Variants in OR2T11 observed in about 807,000 individuals in gnomAD.
The protein encoded by OR2T11 is olfactory receptor 2T11.
In OR2T11, 14 loss-of-function variants were observed where a neutral mutation model predicts 13.5. The ratio of observed to expected loss-of-function variants is 1.04; its 90% confidence interval spans 0.69 to 1.62. The LOEUF is 1.62. Ranked by LOEUF, OR2T11 falls within the 40% of genes most tolerant of loss-of-function variation. The probability of loss-of-function intolerance (pLI) is 0.00; values close to 1 mark genes in which losing one functional copy is unlikely to be tolerated. For missense variants in OR2T11, 410 were observed against 389.7 expected, an observed-to-expected ratio of 1.05 and a Z score of -0.44; for synonymous variants, 163 against 154.6, an observed-to-expected ratio of 1.05 and a Z score of -0.40.
intron 1 of OR2T11, among the ~76,000 whole-genome samples, chr1:248,630,960 G>GA (rs1180945469): frequency 7.0e-6 from 1 of 143,228 alleles, no homozygotes; most frequent in East Asian, 2.0e-4. Context: ...GACGTGATAT[G>GA]AAAACAGGTC....
chr1:248,626,173 ACTCT>A lies in OR2T11; in HGVS notation c.*1_*4del. On this transcript the variant is annotated 3_prime_UTR_variant, in exon 2 of 2. Transcript: ENST00000641193. ...AGGAAGCCTTATCCTCTGGGCAGTG[ACTCT>A]CTAAGCATCACTTGTTGCTACTTTC... 2 of 1,420,584 alleles carry A rather than the reference ACTCT, an allele frequency of 1.4e-6. No homozygotes were observed. The highest frequency in any genetic ancestry group is 1.7e-4 in the Middle Eastern group (1 of 5,750). The allele number at this position is 1,420,584 out of a possible 1,614,324, so 88.0% of individuals were successfully genotyped here.
rs1470692186 is a variant in OR2T11 at position 248,626,196 on chromosome 1, T to TA, written c.932dup (p.Ala312SerfsTer4). The TA allele has an allele frequency of 1.3e-6, 2 of 1,520,908 alleles. No homozygotes were observed. The highest frequency in any genetic ancestry group is 1.7e-5 in the Admixed American group (1 of 58,254). The allele number at this position is 1,520,908 out of a possible 1,614,324, so 94.2% of individuals were successfully genotyped here. A position where few individuals can be genotyped will look rare whatever the true frequency, so the allele number is the denominator to read the frequency against. On this transcript the variant is annotated frameshift_variant, in exon 2 of 2. Transcript: ENST00000641193. LOFTEE classifies it high-confidence loss of function. ...TGACTCTCTAAGCATCACTTGTTGC[T>TA]ACTTTCTGAGCAGATGAGCAACATG...
chr1:248,626,134 T>C lies in OR2T11; in HGVS notation c.*44A>G, dbSNP rs771319683. 2 of 1,092,900 alleles carry C rather than the reference T, an allele frequency of 1.8e-6. No homozygotes were observed. The highest frequency in any genetic ancestry group is 4.9e-5 in the East Asian group (2 of 41,228). The allele number at this position is 1,092,900 out of a possible 1,614,324, so 67.7% of individuals were successfully genotyped here. ...ATCATCTCCAGGGAAACAGGGCAAA[T>C]GGAGGAAGTCCTTAGGAAGCCTTAT... On this transcript the variant is annotated 3_prime_UTR_variant, in exon 2 of 2. Transcript: ENST00000641193.
chr1:248,626,995 A>G lies in OR2T11; in HGVS notation c.134T>C (p.Leu45Ser). The G allele has an allele frequency of 6.4e-7, 1 of 1,571,450 alleles. No individual in the cohort carries two copies. Among genetic ancestry groups the G allele is most frequent in the Non-Finnish European group, 8.7e-7 (1 of 1,155,506 alleles). Reference protein sequence around the residue: ...AVTANLVMIFLIQVDSRLHTP... With the variant: ...AVTANLVMIFSIQVDSRLHTP... ...GTGGAGGCGAGAGTCCACCTGAATC[A>G]AGAATATCATGACCAAATTTGCAGT... The change falls in exon 2 of 2, where the codon TTG becomes TCG. Residue 45 changes from leucine (L) to serine (S), a missense_variant. By Grantham distance (145) the Leu-to-Ser change is moderately radical. Coordinates refer to ENST00000641193, the MANE Select transcript of OR2T11 (RefSeq NM_001001964.2).
Position 248,627,199 on chromosome 1 carries a change from T to G in OR2T11, c.-71A>C. On this transcript the variant is annotated 5_prime_UTR_variant, in exon 2 of 2. Coordinates refer to ENST00000641193, the MANE Select transcript of OR2T11 (RefSeq NM_001001964.2). ...CCAGGAAGGAGGCAAGAGAACACGG[T>G]CAAGATGGGAAAGGTCTGCAGTAGA... is the stretch of plus-strand genomic sequence containing the variant. 3.3e-6 allele frequency: 3 copies of G among 902,440 alleles called. No homozygotes were observed. The highest frequency in any genetic ancestry group is 5.1e-6 in the Non-Finnish European group (3 of 583,292). 55.9% of individuals were successfully genotyped at this position (902,440 alleles called of 1,614,324 possible). A position where few individuals can be genotyped will look rare whatever the true frequency, so the allele number is the denominator to read the frequency against.
chr1:248,628,346 A>G (rs557957258), intron 1 of OR2T11, among the ~76,000 whole-genome samples: 1 of 140,552 alleles, frequency 7.1e-6, no homozygotes, highest in Non-Finnish European at 1.5e-5. Flanking sequence ...CCTCCCCGGC[A>G]TGGTAGGCCT....
rs1475312093 is a variant in OR2T11 at position 248,631,116 on chromosome 1, G to C, written c.-144-3844C>G. ...AAGTAGGTAGCCTTCCCAACATCGT[G>C]ATTTCAGTCCAGTGAGACCGGTTTC... On this transcript the variant is annotated intron_variant, in intron 1 of 1. Transcript: ENST00000641193. 7.0e-5 allele frequency among the ~76,000 whole-genome samples: 10 copies of C among 143,304 alleles called. 1 individual carries two copies. The highest frequency in any genetic ancestry group is 2.7e-5 in the African/African-American group (1 of 36,382). The allele number at this position is 143,304 out of a possible 152,430, so 94.0% of individuals were successfully genotyped here.
Position 248,628,797 on chromosome 1 carries a change from C to T in OR2T11, c.-144-1525G>A, listed in dbSNP as rs1283166993. On this transcript the variant is annotated intron_variant, in intron 1 of 1. Transcript: ENST00000641193. The stretch of plus-strand genomic sequence containing the variant: ...CCCTCTGATTGATATATTCATATTA[C>T]TGTGAAAGGGGCTAAGGACTGTGGC... Among the ~76,000 whole-genome samples, 11 of 142,820 alleles carry T rather than the reference C, an allele frequency of 7.7e-5. 2 individuals are homozygous for T. Among genetic ancestry groups the T allele is most frequent in the Admixed American group, 2.7e-4 (4 of 14,654 alleles). The allele number at this position is 142,820 out of a possible 152,430, so 93.7% of individuals were successfully genotyped here.
intron 1 of OR2T11, among the ~76,000 whole-genome samples, chr1:248,630,833 A>G (rs1660600620): frequency 7.0e-6 from 1 of 143,592 alleles, no homozygotes; most frequent in Non-Finnish European, 1.5e-5. Context: ...GTGGCAAAAA[A>G]GACTTTGTGG....
chr1:248,626,987 C>A lies in OR2T11; in HGVS notation c.142G>T (p.Val48Leu). ...ATGGGGGTGTGGAGGCGAGAGTCCACCTGAATCAAGAATATCATGACCAAA... is the reference window on the plus strand; with the variant it reads ...ATGGGGGTGTGGAGGCGAGAGTCCAACTGAATCAAGAATATCATGACCAAA... ...ANLVMIFLIQ[V>L]DSRLHTPMYF... Residue 48 changes from valine to leucine, a missense_variant, in exon 2 of 2, where the codon GTG (valine) becomes TTG (leucine). Transcript: ENST00000641193. 1 of 1,571,286 alleles carries A rather than the reference C, an allele frequency of 6.4e-7. No homozygotes were observed. The highest frequency in any genetic ancestry group is 8.7e-7 in the Non-Finnish European group (1 of 1,155,670).
Position 248,626,103 on chromosome 1 carries a change from G to A in OR2T11, c.*75C>T, listed in dbSNP as rs180791723. 4,017 of 812,340 alleles carry A rather than the reference G, an allele frequency of 4.9e-3. 368 individuals are homozygous for A. The highest frequency in any genetic ancestry group is 0.013 in the Middle Eastern group (56 of 4,320). The allele number at this position is 812,340 out of a possible 1,614,324, so 50.3% of individuals were successfully genotyped here. A position where few individuals can be genotyped will look rare whatever the true frequency, so the allele number is the denominator to read the frequency against. ...CAGTAGTAAGTGTAGGTTGATAGCTGAGCAGATCATCTCCAGGGAAACAGG... is the reference window on the plus strand; with the variant it reads ...CAGTAGTAAGTGTAGGTTGATAGCTAAGCAGATCATCTCCAGGGAAACAGG... On this transcript the variant is annotated 3_prime_UTR_variant, in exon 2 of 2. Transcript: ENST00000641193.
In OR2T11 at chr1:248,626,035, C is replaced by G; in HGVS notation, c.*143G>C. On this transcript the variant is annotated 3_prime_UTR_variant, in exon 2 of 2. Transcript: ENST00000641193. Reference sequence around the variant, plus strand: ...AACAGTAAAACATCTTTCCCTTGCTCCCGAGGAGCAAGAATCCAGACAGGG... The same window carrying G: ...AACAGTAAAACATCTTTCCCTTGCTGCCGAGGAGCAAGAATCCAGACAGGG... 1.8e-6 allele frequency: 1 copy of G among 557,506 alleles called. No individual in the cohort carries two copies. Among genetic ancestry groups the G allele is most frequent in the South Asian group, 2.4e-5 (1 of 42,026 alleles). The allele number at this position is 557,506 out of a possible 1,614,324, so 34.5% of individuals were successfully genotyped here. A position where few individuals can be genotyped will look rare whatever the true frequency, so the allele number is the denominator to read the frequency against.
rs1256907750 is a variant in OR2T11, at chr1:248,631,802, TCA to T, written c.-145+3234_-145+3235del. On this transcript the variant is annotated intron_variant, in intron 1 of 1. Transcript: ENST00000641193. ...CCAAGAAAGGTCTTACAAATGCCAC[TCA>T]CACACGTCACTGTTGTGCAATTGCA... Among the ~76,000 whole-genome samples the T allele has an allele frequency of 1.3e-4, 19 of 142,828 alleles. 3 individuals are homozygous for T. Among genetic ancestry groups the T allele is most frequent in the Non-Finnish European group, 2.1e-4 (14 of 66,164 alleles). The allele number at this position is 142,828 out of a possible 152,430, so 93.7% of individuals were successfully genotyped here. A position where few individuals can be genotyped will look rare whatever the true frequency, so the allele number is the denominator to read the frequency against.
In OR2T11 at chr1:248,626,054, G is replaced by A; in HGVS notation, c.*124C>T. The A allele has an allele frequency of 1.7e-6, 1 of 599,038 alleles. No individual in the cohort carries two copies. The highest frequency in any genetic ancestry group is 2.8e-5 in the East Asian group (1 of 35,416). The allele number at this position is 599,038 out of a possible 1,614,324, so 37.1% of individuals were successfully genotyped here. A position where few individuals can be genotyped will look rare whatever the true frequency, so the allele number is the denominator to read the frequency against. On this transcript the variant is annotated 3_prime_UTR_variant, in exon 2 of 2. Transcript: ENST00000641193. ...CTTGCTCCCGAGGAGCAAGAATCCA[G>A]ACAGGGTGAATCATCTTAACTGCCA... is the stretch of plus-strand genomic sequence containing the variant.
At position 248,626,632 on chromosome 1, in the gene OR2T11, C is replaced by T. The variant is rs767102905; in HGVS notation, c.497G>A (p.Cys166Tyr). 3.9e-5 allele frequency: 61 copies of T among 1,572,692 alleles called. 8 individuals are homozygous for T. Among genetic ancestry groups the T allele is most frequent in the Non-Finnish European group, 5.2e-5 (60 of 1,156,394 alleles). Residue 166 changes from cysteine (C) to tyrosine (Y), a missense_variant, in exon 2 of 2, where the codon TGT becomes TAT. Physicochemically the swap from Cys to Tyr is radical, Grantham distance 194. Coordinates refer to ENST00000641193, the MANE Select transcript of OR2T11 (RefSeq NM_001001964.2). ...LTPITMNVPYCGSRSINHFFC... is the reference protein window; with the variant it reads ...LTPITMNVPYYGSRSINHFFC... The stretch of plus-strand genomic sequence containing the variant: ...AAAATGGTTGATACTTCGGGAGCCA[C>T]AGTAAGGGACATTCATGGTGATGGG...
In OR2T11 at chr1:248,626,240, C is replaced by G; in HGVS notation, c.889G>C (p.Ala297Pro). The G allele has an allele frequency of 6.4e-7, 1 of 1,568,824 alleles. No homozygotes were observed. Among genetic ancestry groups the G allele is most frequent in the Non-Finnish European group, 8.7e-7 (1 of 1,152,594 alleles). Residue 297 changes from alanine to proline, a missense_variant, in exon 2 of 2, where the codon GCA (alanine) becomes CCA (proline). Ala to Pro is a conservative substitution (Grantham distance 27). Transcript: ENST00000641193. ...CAACATGCAAATACCTTTTTAAATG[C>G]CCCTATGACGTCCTTGTTTCTGAGG... ...YSLRNKDVIG[A>P]FKKVFACCSS...
At position 248,623,873 on chromosome 1, in the gene OR2T11, C is replaced by T. The variant is rs1660477157; in HGVS notation, c.*2305G>A. On this transcript the variant is annotated 3_prime_UTR_variant, in exon 2 of 2. Coordinates refer to ENST00000641193, the MANE Select transcript of OR2T11 (RefSeq NM_001001964.2). ...GAGGGGGAGTCCGAAGGTTGTCCTA[C>T]AACCCAGATGTCTCTACTAGCTTAT... is the stretch of plus-strand genomic sequence containing the variant. 7.0e-6 allele frequency: 1 copy of T among 142,616 alleles called. No homozygotes were observed. The highest frequency in any genetic ancestry group is 1.5e-5 in the Non-Finnish European group (1 of 66,060). The allele number at this position is 142,616 out of a possible 1,614,324, so 8.8% of individuals were successfully genotyped here. A position where few individuals can be genotyped will look rare whatever the true frequency, so the allele number is the denominator to read the frequency against.
chr1:248,629,183 G>A (rs1445330968), intron 1 of OR2T11, among the ~76,000 whole-genome samples: 1 of 142,550 alleles, frequency 7.0e-6, no homozygotes, highest in Non-Finnish European at 1.5e-5. Flanking sequence ...AGGGCGGAAG[G>A]ATCACTTGAA....
At chr1:248,627,904 C>A (rs2103101868) in intron 1 of OR2T11, among the ~76,000 whole-genome samples, 1 of 143,272 alleles carries the variant, frequency 7.0e-6, no homozygotes, top group Admixed American at 6.8e-5. Context: ...AACCTTTTTG[C>A]AGATCTTTCT....
Sources: gnomAD v4.1 joint callset for allele counts (sites outside exome capture counted in the v4.1 genomes callset) on GRCh38, gnomAD v4.1.1 for gene constraint, MANE v1.5 for transcripts, NCBI Gene and HGNC (gene_info 2026-07-23, HGNC 2026-07-21) for gene names.